ELOVL6: variants seen among roughly 807,000 people sequenced by gnomAD.
ELOVL6 encodes very long chain fatty acid elongase 6.
ELOVL6 carries 8 observed loss-of-function variants against 31.7 expected under a neutral mutation model. That is an observed-to-expected ratio of 0.25 (90% CI 0.15 to 0.45). The LOEUF (loss-of-function observed/expected upper bound fraction) is 0.45. ELOVL6 is among the 20% of genes least tolerant of loss of function. The probability of loss-of-function intolerance (pLI) is 1.00; values close to 1 mark genes in which losing one functional copy is unlikely to be tolerated. For synonymous variants in ELOVL6, 101 were observed against 117.7 expected (o/e 0.86, Z 0.92); for missense variants, 126 against 326.4 (o/e 0.39, Z 4.73).
intron 1 of ELOVL6, among the ~76,000 whole-genome samples, chr4:110,161,931 T>C (rs1056844045): frequency 2.0e-5 from 3 of 152,208 alleles, no homozygotes; most frequent in African/African-American, 4.8e-5. Context: ...TTACAGAACA[T>C]ATCTACCTGG....
chr4:110,178,715 G>A (rs1383140710), intron 1 of ELOVL6, among the ~76,000 whole-genome samples: 2 of 152,074 alleles, frequency 1.3e-5, no homozygotes, highest in Non-Finnish European at 2.9e-5. Context: ...TTAGTCAGGT[G>A]TGGTGGTGCT....
At chr4:110,144,108 G>A (rs961817666) in intron 1 of ELOVL6, among the ~76,000 whole-genome samples, 3 of 150,138 alleles carry the variant, frequency 2.0e-5, no homozygotes, top group Non-Finnish European at 4.4e-5. Context: ...AAAAGCCAGG[G>A]AATTGACATA....
At chr4:110,065,292 T>A (rs1755267271) in intron 2 of ELOVL6, among the ~76,000 whole-genome samples, 1 of 152,178 alleles carries the variant, frequency 6.6e-6, no homozygotes, top group Non-Finnish European at 1.5e-5. Context: ...GGGTCCTTTT[T>A]AAAGATGTAT....
At chr4:110,132,908 C>T (rs1397309975) in intron 1 of ELOVL6, among the ~76,000 whole-genome samples, 3 of 151,646 alleles carry the variant, frequency 2.0e-5, no homozygotes, top group African/African-American at 7.3e-5. Context: ...GGACTTACTC[C>T]CAGAGATGGA....
chr4:110,141,113 G>C (rs1189119213), intron 1 of ELOVL6, among the ~76,000 whole-genome samples: 2 of 151,956 alleles, frequency 1.3e-5, no homozygotes, highest in Non-Finnish European at 2.9e-5. Context: ...GCCCAGGCTG[G>C]AGTGCAATGG....
chr4:110,120,798 CTTTTTTTTTT>C (rs1008949209), intron 1 of ELOVL6, among the ~76,000 whole-genome samples: 38 of 117,862 alleles, frequency 3.2e-4, no homozygotes, highest in East Asian at 7.6e-4. Context: ...TTTTTCTTTT[CTTTTTTTTTT>C]TTTTTTTTTT....
At chr4:110,105,960 G>T (rs1756878766) in intron 1 of ELOVL6, among the ~76,000 whole-genome samples, 2 of 152,226 alleles carry the variant, frequency 1.3e-5, no homozygotes, top group African/African-American at 2.4e-5. Flanking sequence ...ATTCTTTAGA[G>T]TTTGTTGAGC....
chr4:110,131,301 G>A (rs1408802647), intron 1 of ELOVL6, among the ~76,000 whole-genome samples: 1 of 152,086 alleles, frequency 6.6e-6, no homozygotes, highest in African/African-American at 2.4e-5. Flanking sequence ...TTTTTAATCT[G>A]AACTATTCAA....
At chr4:110,087,356 C>T (rs957656923) in intron 2 of ELOVL6, among the ~76,000 whole-genome samples, 4 of 152,122 alleles carry the variant, frequency 2.6e-5, no homozygotes, top group South Asian at 4.1e-4. Flanking sequence ...ACTTTGCATT[C>T]GATTAGTCAA....
At chr4:110,075,066 T>C (rs1366653744) in intron 2 of ELOVL6, among the ~76,000 whole-genome samples, 1 of 151,774 alleles carries the variant, frequency 6.6e-6, no homozygotes, top group East Asian at 1.9e-4. Flanking sequence ...AAAATGAAAA[T>C]AATGAGGTAT....
At chr4:110,192,747 C>G (rs1024289018) in intron 1 of ELOVL6, among the ~76,000 whole-genome samples, 1 of 152,200 alleles carries the variant, frequency 6.6e-6, no homozygotes, top group African/African-American at 2.4e-5. Flanking sequence ...ACAGATTACA[C>G]GTTTTTTCTC....
In ELOVL6 at chr4:110,046,104, G is replaced by A. The variant is rs1754692488; in HGVS notation, c.*5234C>T. The A allele has an allele frequency of 6.6e-6, 1 of 152,162 alleles. No individual in the cohort carries two copies. Among genetic ancestry groups the A allele is most frequent in the Admixed American group, 6.5e-5 (1 of 15,280 alleles). The allele number at this position is 152,162 out of a possible 1,614,324, so 9.4% of individuals were successfully genotyped here. ...TATGTCTAGACAGGCAGACCTGTTT[G>A]AAACGAGTATGACCAGGGAGGACTG... On this transcript the variant is annotated 3_prime_UTR_variant, in exon 4 of 4. Transcript: ENST00000302274.
At chr4:110,153,769 AT>A (rs1758342565) in intron 1 of ELOVL6, among the ~76,000 whole-genome samples, 2 of 152,324 alleles carry the variant, frequency 1.3e-5, no homozygotes, top group Non-Finnish European at 2.9e-5. Flanking sequence ...AAACTAACAG[AT>A]CTTCATTTAA....
At position 110,094,415 on chromosome 4, in the gene ELOVL6, ATATATATATATATATATATATATATAT is replaced by A. The variant is rs1374086794; in HGVS notation, c.221+11055_221+11081del. Among the ~76,000 whole-genome samples the A allele has an allele frequency of 1.2e-4, 6 of 50,688 alleles. 1 individual carries two copies. Among genetic ancestry groups the A allele is most frequent in the African/African-American group, 2.9e-4 (3 of 10,504 alleles). 33.3% of individuals were successfully genotyped at this position (50,688 alleles called of 152,430 possible). A position where few individuals can be genotyped will look rare whatever the true frequency, so the allele number is the denominator to read the frequency against. Reference sequence around the variant, plus strand: ...TTTACTTAAAAAGAAATATATATATATATATATATATATATATATATATATATAATATATATAACATAATATATATTA... The same window carrying A: ...TTTACTTAAAAAGAAATATATATATAAATATATATAACATAATATATATTA... On this transcript the variant is annotated intron_variant, in intron 2 of 3. Coordinates refer to ENST00000302274, the MANE Select transcript of ELOVL6 (RefSeq NM_024090.3).
At chr4:110,193,782 C>T (rs1759695833) in intron 1 of ELOVL6, among the ~76,000 whole-genome samples, 1 of 152,020 alleles carries the variant, frequency 6.6e-6, no homozygotes, top group Non-Finnish European at 1.5e-5. Context: ...CCTTTTACAC[C>T]ACCAAGGGAG....
intron 1 of ELOVL6, among the ~76,000 whole-genome samples, chr4:110,141,077 T>G (rs918284690): frequency 3.3e-5 from 5 of 152,088 alleles, no homozygotes; most frequent in Non-Finnish European, 4.4e-5. Flanking sequence ...TTTTTGTTTT[T>G]TTTGAGATGG....
At chr4:110,057,806 G>A (rs1419335327) in intron 3 of ELOVL6, among the ~76,000 whole-genome samples, 3 of 147,476 alleles carry the variant, frequency 2.0e-5, no homozygotes, top group Non-Finnish European at 3.0e-5. Context: ...AGCCGAGATC[G>A]CGCCACTGCA....
intron 1 of ELOVL6, among the ~76,000 whole-genome samples, chr4:110,158,551 G>GGA (rs936226704): frequency 7.6e-6 from 1 of 130,738 alleles, no homozygotes; most frequent in Non-Finnish European, 1.7e-5. Flanking sequence ...CCAAGATATT[G>GGA]GAGAGAGATA....
At chr4:110,193,612 A>C (rs1471231060) in intron 1 of ELOVL6, among the ~76,000 whole-genome samples, 8 of 152,114 alleles carry the variant, frequency 5.3e-5, no homozygotes, top group Non-Finnish European at 1.2e-4. Context: ...TCAAAAATAA[A>C]ACAAAATAAA....
Sources: allele counts gnomAD v4.1 joint callset (sites outside exome capture counted in the v4.1 genomes callset), GRCh38; gene constraint gnomAD v4.1.1; transcripts MANE v1.5; gene names NCBI Gene and HGNC (gene_info 2026-07-23, HGNC 2026-07-21).